Variants in PPFIA2 observed in about 807,000 individuals in gnomAD.
The protein encoded by PPFIA2 is PPFI scaffold protein A2.
Under a neutral mutation model 175.5 loss-of-function variants are expected in PPFIA2, and 46 were observed. That is an observed-to-expected ratio of 0.26 (90% CI 0.21 to 0.34). The LOEUF is 0.34. PPFIA2 is among the 10% of genes least tolerant of loss of function. The probability of loss-of-function intolerance (pLI) is 1.00; values close to 1 mark genes in which losing one functional copy is unlikely to be tolerated. For synonymous variants in PPFIA2, 568 were observed against 511.4 expected, an observed-to-expected ratio of 1.11 and a Z score of -1.49; for missense variants, 1,179 against 1,506.1, an observed-to-expected ratio of 0.78 and a Z score of 3.60.
chr12:81,509,613 T>A (rs1352870198), intron 4 of PPFIA2, among the ~76,000 whole-genome samples: 5 of 151,988 alleles, frequency 3.3e-5, no homozygotes, highest in African/African-American at 1.2e-4. Context: ...TTTTTTTTTT[T>A]TTTGCTCTTG....
intron 4 of PPFIA2, among the ~76,000 whole-genome samples, chr12:81,479,259 T>C (rs906009128): frequency 1.3e-5 from 2 of 152,210 alleles, no homozygotes; most frequent in East Asian, 3.9e-4. Context: ...TTTGTTTGTT[T>C]GTTTGTTTCC....
chr12:81,574,067 T>G (rs2086787653), intron 4 of PPFIA2, among the ~76,000 whole-genome samples: 1 of 151,858 alleles, frequency 6.6e-6, no homozygotes, highest in African/African-American at 2.4e-5. Flanking sequence ...AATTACACAT[T>G]TAATGCTACA....
chr12:81,364,434 A>T (rs1482808671), intron 14 of PPFIA2, among the ~76,000 whole-genome samples: 1 of 151,736 alleles, frequency 6.6e-6, no homozygotes, highest in African/African-American at 2.4e-5. Context: ...CTGAAACTGG[A>T]GTGCAGTTCT....
chr12:81,419,369 A>G (rs1522312), intron 7 of PPFIA2, among the ~76,000 whole-genome samples: 37,992 of 151,950 alleles, frequency 0.25, 5,014 homozygotes, highest in East Asian at 0.45. Context: ...AGTACTTACA[A>G]GAGAACCTCA....
chr12:81,307,914 C>T (rs1456878538), intron 22 of PPFIA2, among the ~76,000 whole-genome samples: 1 of 152,164 alleles, frequency 6.6e-6, no homozygotes, highest in East Asian at 1.9e-4. Context: ...TCCTTCTTCA[C>T]ATCACCATCA....
At chr12:81,444,132 G>C (rs2050787828) in intron 6 of PPFIA2, among the ~76,000 whole-genome samples, 1 of 151,990 alleles carries the variant, frequency 6.6e-6, no homozygotes, top group African/African-American at 2.4e-5. Flanking sequence ...GGGATTACAG[G>C]CGTGAGCCAC....
chr12:81,543,434 T>C (rs140053754), intron 4 of PPFIA2, among the ~76,000 whole-genome samples: 10 of 152,230 alleles, frequency 6.6e-5, no homozygotes, highest in Admixed American at 2.0e-4. Context: ...TAAAGTAGTA[T>C]TGTATTACAA....
chr12:81,319,049 T>C (rs1351163511), intron 22 of PPFIA2, among the ~76,000 whole-genome samples: 2 of 151,744 alleles, frequency 1.3e-5, no homozygotes, highest in African/African-American at 2.4e-5. Context: ...TGTAACTATC[T>C]TGATTTTAAT....
At chr12:81,539,199 C>T (rs140600856) in intron 4 of PPFIA2, among the ~76,000 whole-genome samples, 19 of 151,922 alleles carry the variant, frequency 1.3e-4, no homozygotes, top group African/African-American at 4.1e-4. Flanking sequence ...TAAGATACGT[C>T]AACTGAGATG....
chr12:81,282,975 G>T (rs762000649), intron 26 of PPFIA2, 35 bp downstream of exon 26: 10 of 1,576,614 alleles, frequency 6.3e-6, no homozygotes, highest in South Asian at 1.1e-5. Context: ...CCTACTAAAT[G>T]ATATTAAGGG....
chr12:81,753,838 A>G (rs924956707), intron 3 of PPFIA2, 135 bp downstream of exon 3: 2 of 1,112,316 alleles, frequency 1.8e-6, no homozygotes, highest in African/African-American at 1.6e-5. Flanking sequence ...CTAATCATCT[A>G]TTCCTAAGTT....
At chr12:81,645,357 G>A (rs1409907556) in intron 4 of PPFIA2, among the ~76,000 whole-genome samples, 2 of 152,038 alleles carry the variant, frequency 1.3e-5, no homozygotes, top group Non-Finnish European at 2.9e-5. Flanking sequence ...TCACCCTGCT[G>A]AGGCCCAACT....
At chr12:81,512,454 C>T in intron 4 of PPFIA2, 1 of 726,684 alleles carries the variant, frequency 1.4e-6, no homozygotes, top group Non-Finnish European at 1.9e-6. Context: ...TTCTAATCTT[C>T]CTTTAAAGTT....
intron 17 of PPFIA2, among the ~76,000 whole-genome samples, chr12:81,352,504 G>A (rs1230690421): frequency 1.3e-5 from 2 of 151,660 alleles, no homozygotes; most frequent in Non-Finnish European, 2.9e-5. Flanking sequence ...CCTGGAGCCA[G>A]GAAGAGAGCC....
At chr12:81,561,666 T>A (rs1363135477) in intron 4 of PPFIA2, among the ~76,000 whole-genome samples, 2 of 152,204 alleles carry the variant, frequency 1.3e-5, no homozygotes, top group Non-Finnish European at 2.9e-5. Context: ...ACAAATCACT[T>A]TTTTTAAATT....
intron 3 of PPFIA2, among the ~76,000 whole-genome samples, chr12:81,691,892 G>A (rs921341212): frequency 2.6e-5 from 4 of 152,020 alleles, no homozygotes; most frequent in African/African-American, 7.2e-5. Context: ...TGGAAATTGT[G>A]ATAGGAAGAC....
chr12:81,693,612 C>T (rs928206170), intron 3 of PPFIA2, among the ~76,000 whole-genome samples: 4 of 151,994 alleles, frequency 2.6e-5, no homozygotes, highest in African/African-American at 9.7e-5. Context: ...AAAATTGGTA[C>T]CAGGAGTTTG....
chr12:81,555,055 A>G (rs905559101), intron 4 of PPFIA2, among the ~76,000 whole-genome samples: 15 of 152,002 alleles, frequency 9.9e-5, no homozygotes, highest in Admixed American at 7.9e-4. Context: ...CAAAGAGAAC[A>G]CCTCTAAATA....
intron 4 of PPFIA2, among the ~76,000 whole-genome samples, chr12:81,640,248 A>G (rs1290731632): frequency 1.3e-5 from 2 of 152,114 alleles, no homozygotes; most frequent in Admixed American, 1.3e-4. Flanking sequence ...TTCTTTACCT[A>G]TACGATACAT....
Sources: allele counts gnomAD v4.1 joint callset (sites outside exome capture counted in the v4.1 genomes callset), GRCh38; gene constraint gnomAD v4.1.1; transcripts MANE v1.5; gene names NCBI Gene and HGNC (gene_info 2026-07-23, HGNC 2026-07-21).